Variants in NTM observed in about 807,000 individuals in gnomAD.
NTM encodes the protein IgLON family member 2.
NTM carries 13 observed loss-of-function variants against 42.1 expected under a neutral mutation model. The observed-to-expected ratio is 0.31, with a 90% CI of 0.20 to 0.49. The LOEUF (loss-of-function observed/expected upper bound fraction) is 0.49, where lower values mean the gene tolerates loss of function less well. NTM is among the 20% of genes least tolerant of loss of function. The probability of loss-of-function intolerance (pLI) is 0.99; values close to 1 mark genes in which losing one functional copy is unlikely to be tolerated. For synonymous variants in NTM, 187 were observed against 179.2 expected, an observed-to-expected ratio of 1.04 and a Z score of -0.35; for missense variants, 373 against 452.8, an observed-to-expected ratio of 0.82 and a Z score of 1.60.
At chr11:131,425,610 C>T (rs749414951) in intron 1 of NTM, among the ~76,000 whole-genome samples, 13 of 152,168 alleles carry the variant, frequency 8.5e-5, no homozygotes, top group Non-Finnish European at 1.6e-4. Context: ...GAAAGCCCCA[C>T]ACCTGCATAG....
chr11:131,477,761 T>C (rs1953105844), intron 1 of NTM, among the ~76,000 whole-genome samples: 1 of 151,900 alleles, frequency 6.6e-6, no homozygotes, highest in Non-Finnish European at 1.5e-5. Context: ...AAAATGCATG[T>C]GATAAAACTG....
At chr11:131,943,464 G>T (rs951926648) in intron 2 of NTM, among the ~76,000 whole-genome samples, 76 of 152,204 alleles carry the variant, frequency 5.0e-4, no homozygotes, top group African/African-American at 1.8e-3. Context: ...GCTAGTTTAC[G>T]AGTCACCACT....
At chr11:132,095,881 C>A (rs1402897055) in intron 2 of NTM, among the ~76,000 whole-genome samples, 1 of 152,240 alleles carries the variant, frequency 6.6e-6, no homozygotes, top group Non-Finnish European at 1.5e-5. Context: ...CCACACTGTA[C>A]TCTACCTGGG....
intron 2 of NTM, among the ~76,000 whole-genome samples, chr11:132,123,730 C>T (rs1423796083): frequency 6.6e-6 from 1 of 152,186 alleles, no homozygotes; most frequent in Non-Finnish European, 1.5e-5. Context: ...GTGCTAAAGG[C>T]ATCAACAGCC....
chr11:132,246,823 G>A (rs547014989), intron 4 of NTM, among the ~76,000 whole-genome samples: 2 of 152,318 alleles, frequency 1.3e-5, no homozygotes, highest in Admixed American at 6.5e-5. Context: ...GTGAGCAGAA[G>A]CCTTGAGAAC....
chr11:131,407,615 T>C (rs1200966509), intron 1 of NTM, among the ~76,000 whole-genome samples: 6 of 152,198 alleles, frequency 3.9e-5, no homozygotes, highest in African/African-American at 1.4e-4. Context: ...AGCACCTCCC[T>C]TGCACTCTAT....
Position 131,773,207 on chromosome 11 carries a change from C to T in NTM, c.83-138357C>T, listed in dbSNP as rs12273051. ...GGTGGTGCCTTGTTGCTGTGTCCTC[C>T]GGAGGGGCCAAGGCTGTGTCCTCAC... On this transcript the variant is annotated intron_variant, in intron 1 of 8. Transcript: ENST00000683400. Among the ~76,000 whole-genome samples, 1,135 of 152,202 alleles carry T rather than the reference C, an allele frequency of 7.5e-3. 8 individuals are homozygous for T. The highest frequency in any genetic ancestry group is 0.012 in the Non-Finnish European group (786 of 68,016).
At chr11:132,254,789 T>C (rs2092329411) in intron 4 of NTM, among the ~76,000 whole-genome samples, 1 of 152,172 alleles carries the variant, frequency 6.6e-6, no homozygotes, top group Non-Finnish European at 1.5e-5. Flanking sequence ...CAGAATCCTG[T>C]TGCCCCTGCT....
chr11:132,135,129 C>T (rs1198906149), intron 2 of NTM, among the ~76,000 whole-genome samples: 1 of 152,126 alleles, frequency 6.6e-6, no homozygotes, highest in Non-Finnish European at 1.5e-5. Context: ...GTCAGTGTCC[C>T]AGGAGACAGA....
chr11:132,282,976 C>CTTTTTT lies in NTM; in HGVS notation c.527-24693_527-24688dup, dbSNP rs142817071. ...AATGAAACGGGAAATTCCTTTATTC[C>CTTTTTT]TTTTTTTTTTTTTTTTTTTTTTTTT... On this transcript the variant is annotated intron_variant, in intron 4 of 8. Coordinates refer to ENST00000683400, the MANE Select transcript of NTM (RefSeq NM_001352005.2). 2.3e-3 allele frequency among the ~76,000 whole-genome samples: 249 copies of CTTTTTT among 108,888 alleles called. 4 individuals carry two copies. Among genetic ancestry groups the CTTTTTT allele is most frequent in the Middle Eastern group, 5.1e-3 (1 of 196 alleles). The allele number at this position is 108,888 out of a possible 152,430, so 71.4% of individuals were successfully genotyped here.
intron 1 of NTM, among the ~76,000 whole-genome samples, chr11:131,609,138 G>T (rs1023000046): frequency 6.6e-6 from 1 of 152,218 alleles, no homozygotes; most frequent in Non-Finnish European, 1.5e-5. Context: ...GCTGAGCTGG[G>T]CGAAGGCGTG....
At chr11:131,816,427 C>T (rs2092953530) in intron 1 of NTM, among the ~76,000 whole-genome samples, 1 of 151,934 alleles carries the variant, frequency 6.6e-6, no homozygotes, top group Non-Finnish European at 1.5e-5. Context: ...TTTACTAAAT[C>T]TGGGGTACGT....
In NTM at chr11:132,311,555, G is replaced by T. The variant is rs11223006; in HGVS notation, c.782+1323G>T. ...CTGATAAATATGGTTTCCTTACTTA[G>T]AAATTCTGTTTCACTTATGCGTTTC... is the stretch of plus-strand genomic sequence containing the variant. On this transcript the variant is annotated intron_variant, in intron 6 of 8. Transcript: ENST00000683400. 9.2e-5 allele frequency among the ~76,000 whole-genome samples: 14 copies of T among 152,244 alleles called. No individual in the cohort carries two copies. The East Asian group carries it at 2.1e-3, about 23-fold the overall frequency.
chr11:132,149,907 C>A (rs1388337572), intron 3 of NTM, among the ~76,000 whole-genome samples: 3 of 152,294 alleles, frequency 2.0e-5, no homozygotes, highest in African/African-American at 7.2e-5. Context: ...AAATTTACTT[C>A]TTCAGTCACA....
intron 1 of NTM, among the ~76,000 whole-genome samples, chr11:131,403,714 C>A (rs1183485708): frequency 6.6e-6 from 1 of 152,112 alleles, no homozygotes; most frequent in East Asian, 1.9e-4. Flanking sequence ...TTATAATCTT[C>A]CAAAAATCTC....
chr11:131,992,195 T>A (rs1267572199), intron 2 of NTM, among the ~76,000 whole-genome samples: 2 of 152,228 alleles, frequency 1.3e-5, no homozygotes, highest in Admixed American at 6.5e-5. Flanking sequence ...AGTTTTATGA[T>A]GATTAACTTT....
chr11:131,463,554 A>G (rs1951607489), intron 1 of NTM, among the ~76,000 whole-genome samples: 1 of 152,212 alleles, frequency 6.6e-6, no homozygotes, highest in Non-Finnish European at 1.5e-5. Context: ...TGCTAGTATT[A>G]TTATTTAATG....
chr11:132,312,431 C>T (rs2095307220), intron 6 of NTM: 1 of 152,354 alleles, frequency 6.6e-6, no homozygotes, highest in South Asian at 2.1e-4. Flanking sequence ...GAAGGCCACC[C>T]ATCCAACAGG....
At chr11:132,264,585 A>G (rs1383172845) in intron 4 of NTM, among the ~76,000 whole-genome samples, 1 of 152,184 alleles carries the variant, frequency 6.6e-6, no homozygotes, top group Non-Finnish European at 1.5e-5. Flanking sequence ...TTGCATTTAT[A>G]CATACACTGT....
Sources: allele counts gnomAD v4.1 joint callset (sites outside exome capture counted in the v4.1 genomes callset), GRCh38; gene constraint gnomAD v4.1.1; transcripts MANE v1.5; gene names NCBI Gene and HGNC (gene_info 2026-07-23, HGNC 2026-07-21).